Variants in TMEM254 observed in about 807,000 individuals in gnomAD.
The protein encoded by TMEM254 is transmembrane protein 254, also known as transmembrane protein C10orf57.
Under a neutral mutation model 13.9 loss-of-function variants are expected in TMEM254, and 16 were observed. The observed-to-expected ratio is 1.15, with a 90% CI of 0.78 to 1.75. The LOEUF is 1.75. Among genes scored for constraint, TMEM254 ranks in the 40% most tolerant of loss-of-function variants. TMEM254 has a pLI of 0.00. For synonymous variants in TMEM254, 61 were observed against 56.4 expected, an observed-to-expected ratio of 1.08 and a Z score of -0.36; for missense variants, 155 against 149.0, an observed-to-expected ratio of 1.04 and a Z score of -0.21.
rs962638469 is a variant in TMEM254, at chr10:80,081,604, G to A, written c.88-237G>A. 13 of 1,312,192 alleles carry A rather than the reference G, an allele frequency of 9.9e-6. No individual in the cohort carries two copies. In the African/African-American group the frequency reaches 1.3e-4, roughly 14 times the overall value. The allele number at this position is 1,312,192 out of a possible 1,614,324, so 81.3% of individuals were successfully genotyped here. A position where few individuals can be genotyped will look rare whatever the true frequency, so the allele number is the denominator to read the frequency against. ...GATGGATTGAGCCCAGATGGTGGAG[G>A]CTGCAGTGAGTCATGATCATGCCAC... is the stretch of plus-strand genomic sequence containing the variant. On this transcript the variant is annotated intron_variant, in intron 1 of 3. Coordinates refer to ENST00000372281, the MANE Select transcript of TMEM254 (RefSeq NM_025125.4).
chr10:80,086,333 C>A, intron 3 of TMEM254: 1 of 1,142,612 alleles, frequency 8.8e-7, no homozygotes, highest in Non-Finnish European at 1.2e-6. Context: ...AACTGTGACC[C>A]TTCTGAAGGA....
intron 3 of TMEM254, among the ~76,000 whole-genome samples, chr10:80,088,324 A>C (rs558825082): frequency 6.6e-6 from 1 of 152,254 alleles, no homozygotes; most frequent in South Asian, 2.1e-4. Context: ...ACACCTTTGC[A>C]TATTCTGTGC....
chr10:80,079,341 T>G lies in TMEM254; in HGVS notation c.87+555T>G, dbSNP rs146788127. 15 of 1,187,256 alleles carry G rather than the reference T, an allele frequency of 1.3e-5. No homozygotes were observed. In the African/African-American group the frequency reaches 1.8e-4, roughly 14 times the overall value. 73.5% of individuals were successfully genotyped at this position (1,187,256 alleles called of 1,614,324 possible). ...AAATTCGGTGGGCTCTTAGGATAGT[T>G]TCTGCTTTCTAGTGTTCCTGTCTTT... On this transcript the variant is annotated intron_variant, in intron 1 of 3. Transcript: ENST00000372281.
chr10:80,079,037 G>A (rs1293230369), intron 1 of TMEM254: 1 of 1,505,348 alleles, frequency 6.6e-7, no homozygotes. Context: ...TGGGGGCGGG[G>A]ACGGCTGGGG....
At chr10:80,079,071 G>A in intron 1 of TMEM254, 1 of 1,448,780 alleles carries the variant, frequency 6.9e-7, no homozygotes, top group Non-Finnish European at 9.2e-7. Context: ...CTCTGTGTCT[G>A]GGTTTTTCAA....
Position 80,078,781 on chromosome 10 carries a change from TACACAGTAAGG to T in TMEM254, c.86_87+9del, listed in dbSNP as rs1180391223. ...AGTCATCACCCTCAGCTTTGGCTAC[TACACAGTAAGG>T]ACAGCCGCTGGAGCGCTACGGTCTG... is the stretch of plus-strand genomic sequence containing the variant. On this transcript the variant is annotated splice_donor_variant and splice_donor_5th_base_variant and coding_sequence_variant and intron_variant, in exon 1 of 4. Transcript: ENST00000372281. LOFTEE classifies it high-confidence loss of function. 1.9e-6 allele frequency: 3 copies of T among 1,604,194 alleles called. No homozygotes were observed. The South Asian group carries it at 3.4e-5, about 18-fold the overall frequency.
intron 1 of TMEM254, chr10:80,079,014 G>A (rs758263790): frequency 2.0e-6 from 3 of 1,531,674 alleles, no homozygotes; most frequent in South Asian, 2.4e-5. Context: ...CGGCTAGCCA[G>A]GCTTTTCTTA....
chr10:80,082,001 C>G lies in TMEM254; in HGVS notation c.191+57C>G, dbSNP rs565582114. 1.5e-4 allele frequency: 243 copies of G among 1,583,436 alleles called. 2 individuals are homozygous for G. The South Asian group carries it at 2.4e-3, about 16-fold the overall frequency. ...ACTGGAGCTCTGGTCTCATGGGAAA[C>G]CTGGAAGGCCTGCAGCTGCCTTTTG... On this transcript the variant is annotated intron_variant, in intron 2 of 3. Coordinates refer to ENST00000372281, the MANE Select transcript of TMEM254 (RefSeq NM_025125.4).
In TMEM254 at chr10:80,091,954, T is replaced by C. The variant is rs931716339; in HGVS notation, c.*1037T>C. 2.0e-5 allele frequency: 3 copies of C among 152,234 alleles called. No homozygotes were observed. Among genetic ancestry groups the C allele is most frequent in the Admixed American group, 2.0e-4 (3 of 15,280 alleles). 9.4% of individuals were successfully genotyped at this position (152,234 alleles called of 1,614,324 possible). On this transcript the variant is annotated 3_prime_UTR_variant, in exon 4 of 4. Coordinates refer to ENST00000372281, the MANE Select transcript of TMEM254 (RefSeq NM_025125.4). ...ATTCTCAATCACTTCTCCAAAAGTG[T>C]GTCTTTCCAGCTCTGATTTATTCAA...
intron 3 of TMEM254, among the ~76,000 whole-genome samples, chr10:80,089,915 G>A (rs994144457): frequency 6.6e-6 from 1 of 150,698 alleles, no homozygotes; most frequent in Non-Finnish European, 1.5e-5. Flanking sequence ...TGAGGCAGGA[G>A]AATGGCATCA....
chr10:80,078,723 C>T lies in TMEM254; in HGVS notation c.24C>T (p.Thr8=), dbSNP rs1564564226. Residue 8 remains threonine, a synonymous_variant, in exon 1 of 4, where the codon ACC becomes ACT. Coordinates refer to ENST00000372281, the MANE Select transcript of TMEM254 (RefSeq NM_025125.4). MATAAGA[T]YFQRGSLFWF... ...CCATGGCTACGGCAGCCGGCGCGACCTACTTTCAGCGAGGCAGTCTGTTCT... is the reference window on the plus strand; with the variant it reads ...CCATGGCTACGGCAGCCGGCGCGACTTACTTTCAGCGAGGCAGTCTGTTCT... 2.5e-6 allele frequency: 4 copies of T among 1,606,514 alleles called. No homozygotes were observed. The highest frequency in any genetic ancestry group is 2.7e-5 in the African/African-American group (2 of 74,824).
chr10:80,088,050 AT>A (rs926312030), intron 3 of TMEM254, among the ~76,000 whole-genome samples: 14 of 151,106 alleles, frequency 9.3e-5, no homozygotes, highest in Non-Finnish European at 1.6e-4. Context: ...CTTAGATCTT[AT>A]TTTTTTTTAA....
chr10:80,086,332 C>A (rs1844312280), intron 3 of TMEM254: 2 of 1,161,870 alleles, frequency 1.7e-6, no homozygotes, highest in South Asian at 2.2e-5. Context: ...CAACTGTGAC[C>A]CTTCTGAAGG....
intron 1 of TMEM254, chr10:80,079,152 C>T (rs899224343): frequency 3.8e-6 from 5 of 1,301,706 alleles, no homozygotes; most frequent in South Asian, 2.5e-5. Flanking sequence ...CTTGCCCTCT[C>T]TGGTCACAGT....
At chr10:80,089,298 A>G (rs889413038) in intron 3 of TMEM254, among the ~76,000 whole-genome samples, 1 of 152,156 alleles carries the variant, frequency 6.6e-6, no homozygotes, top group Non-Finnish European at 1.5e-5. Context: ...CATGTTTATT[A>G]TAGAGTTTTG....
intron 3 of TMEM254, among the ~76,000 whole-genome samples, chr10:80,089,507 CA>C: frequency 6.6e-6 from 1 of 151,994 alleles, no homozygotes; most frequent in South Asian, 2.1e-4. Flanking sequence ...ACTGTCTCTA[CA>C]AAAAACAAAC....
At chr10:80,081,491 A>AC in intron 1 of TMEM254, 1 of 602,430 alleles carries the variant, frequency 1.7e-6, no homozygotes, top group East Asian at 2.8e-5. Context: ...ACATAGTGAG[A>AC]CCCCATCTCT....
intron 3 of TMEM254, chr10:80,090,282 CTG>C (rs1321798241): frequency 1.5e-5 from 10 of 680,028 alleles, no homozygotes; most frequent in Middle Eastern, 2.4e-4. Context: ...TTTATCATGA[CTG>C]TGTGCCAGGC....
At chr10:80,089,602 C>T in intron 3 of TMEM254, among the ~76,000 whole-genome samples, 1 of 152,066 alleles carries the variant, frequency 6.6e-6, no homozygotes, top group Non-Finnish European at 1.5e-5. Context: ...AGCTTTAGCC[C>T]AGGAGTTTGA....
Sources: gnomAD v4.1 joint callset for allele counts (sites outside exome capture counted in the v4.1 genomes callset) on GRCh38, gnomAD v4.1.1 for gene constraint, MANE v1.5 for transcripts, NCBI Gene and HGNC (gene_info 2026-07-23, HGNC 2026-07-21) for gene names.